The following PTPN2 variants were observed in gnomAD, a reference collection of about 807,000 sequenced individuals.
PTPN2 encodes the protein tyrosine-protein phosphatase non-receptor type 2.
A neutral mutation model predicts 57.3 loss-of-function variants in PTPN2; 19 were observed. The ratio of observed to expected loss-of-function variants is 0.33; its 90% CI spans 0.23 to 0.49. PTPN2 has a LOEUF of 0.49. PTPN2 is among the 20% of genes least tolerant of loss of function. The pLI is 0.99. For synonymous variants in PTPN2, 153 were observed against 164.9 expected, an observed-to-expected ratio of 0.93 and a Z score of 0.55; for missense variants, 358 against 501.1, an observed-to-expected ratio of 0.71 and a Z score of 2.73.
chr18:12,873,739 CTGG>C (rs2044360033), intron 1 of PTPN2, among the ~76,000 whole-genome samples: 1 of 152,200 alleles, frequency 6.6e-6, no homozygotes, highest in Non-Finnish European at 1.5e-5. Context: ...GCGTCTCTGC[CTGG>C]CCACCCATCG....
intron 5 of PTPN2, among the ~76,000 whole-genome samples, chr18:12,824,591 T>G (rs953158754): frequency 6.6e-6 from 1 of 152,212 alleles, no homozygotes; most frequent in African/African-American, 2.4e-5. Flanking sequence ...CTATCACAGT[T>G]TCTATTAGCA....
intron 1 of PTPN2, among the ~76,000 whole-genome samples, chr18:12,877,633 C>T (rs1004575710): frequency 1.7e-4 from 26 of 152,352 alleles, no homozygotes; most frequent in African/African-American, 5.5e-4. Context: ...ACAGTGTGCA[C>T]TTGATATCTG....
chr18:12,859,944 G>A (rs919557862), intron 1 of PTPN2, among the ~76,000 whole-genome samples: 9 of 151,938 alleles, frequency 5.9e-5, no homozygotes, highest in African/African-American at 1.5e-4. Context: ...CCTGAGGTCA[G>A]GAGTTTGAGA....
intron 2 of PTPN2, among the ~76,000 whole-genome samples, chr18:12,838,180 C>A (rs113872687): frequency 6.6e-6 from 1 of 152,140 alleles, no homozygotes; most frequent in African/African-American, 2.4e-5. Flanking sequence ...AAATATCACA[C>A]CAAAGGAATG....
chr18:12,821,311 A>G (rs2042262969), intron 5 of PTPN2: 1 of 152,230 alleles, frequency 6.6e-6, no homozygotes. Flanking sequence ...CAGATACTGG[A>G]TATTTTTAAA....
At chr18:12,802,901 T>A (rs1460890870) in intron 7 of PTPN2, among the ~76,000 whole-genome samples, 4 of 152,116 alleles carry the variant, frequency 2.6e-5, no homozygotes, top group African/African-American at 7.2e-5. Flanking sequence ...ATTACTATCA[T>A]GAAAATATAT....
At chr18:12,853,343 G>A (rs1025296587) in intron 2 of PTPN2, among the ~76,000 whole-genome samples, 68 of 152,134 alleles carry the variant, frequency 4.5e-4, no homozygotes, top group African/African-American at 1.5e-3. Context: ...GTGTAGAGAT[G>A]TTGCCCAGGC....
chr18:12,794,276 G>A lies in PTPN2; in HGVS notation c.*2C>T, dbSNP rs200142794. On this transcript the variant is annotated 3_prime_UTR_variant, in exon 9 of 9. Transcript: ENST00000309660. Reference sequence around the variant, plus strand: ...AGAAGCTTGCTGGGCAAAATTAATTGTTTATAGGGCATTTTGCTGAAAAAA... The same window carrying A: ...AGAAGCTTGCTGGGCAAAATTAATTATTTATAGGGCATTTTGCTGAAAAAA... 8.7e-6 allele frequency: 14 copies of A among 1,614,044 alleles called. No individual in the cohort carries two copies. In the Admixed American group the frequency reaches 1.0e-4, roughly 12 times the overall value.
At chr18:12,822,495 G>A (rs2042304894) in intron 5 of PTPN2, among the ~76,000 whole-genome samples, 1 of 152,128 alleles carries the variant, frequency 6.6e-6, no homozygotes, top group South Asian at 2.1e-4. Context: ...TCTTCTTCAG[G>A]GGCAAGAGTT....
At chr18:12,835,845 A>C (rs2042844745) in intron 3 of PTPN2, among the ~76,000 whole-genome samples, 1 of 152,158 alleles carries the variant, frequency 6.6e-6, no homozygotes, top group South Asian at 2.1e-4. Context: ...CAAAGTGTCC[A>C]CCTTTGATTC....
exon 10 of PTPN2, chr18:12,785,843 G>A (rs1568066383): frequency 6.2e-7 from 1 of 1,607,406 alleles, no homozygotes; most frequent in South Asian, 1.1e-5. Context: ...GTCAATCTTG[G>A]CCTAAAACAT....
At chr18:12,873,267 C>CTCTCCCCACGGTCTCCG (rs574699926) in intron 1 of PTPN2, among the ~76,000 whole-genome samples, 39 of 151,642 alleles carry the variant, frequency 2.6e-4, no homozygotes, top group Admixed American at 1.5e-3. Context: ...CCTCCTCTCC[C>CTCTCCCCACGGTCTCCG]TCTCCCCACG....
At chr18:12,788,661 C>T (rs1264906775), downstream of PTPN2, among the ~76,000 whole-genome samples, 2 of 152,000 alleles carry the variant, frequency 1.3e-5, no homozygotes, top group Non-Finnish European at 1.5e-5. Context: ...TTCTATCCAT[C>T]ACTCCTTACA....
At chr18:12,785,507 CA>C in exon 10 of PTPN2, 1 of 398,402 alleles carries the variant, frequency 2.5e-6, no homozygotes, top group Admixed American at 4.7e-5. Flanking sequence ...TTAATGCTGC[CA>C]AAAAGTATAA....
Position 12,880,181 on chromosome 18 carries a change from G to GA in PTPN2, c.69+3891dup, listed in dbSNP as rs373255336. 4.2e-3 allele frequency among the ~76,000 whole-genome samples: 641 copies of GA among 152,302 alleles called. 9 individuals carry two copies. Among genetic ancestry groups the GA allele is most frequent in the African/African-American group, 0.015 (611 of 41,550 alleles). Reference sequence around the variant, plus strand: ...AAGCAAGAAAGGAAAGAGAAGGGGGGAAAGTTGTGCCAAGGCAAAGAGAAC... The same window carrying GA: ...AAGCAAGAAAGGAAAGAGAAGGGGGGAAAAGTTGTGCCAAGGCAAAGAGAAC... On this transcript the variant is annotated intron_variant, in intron 1 of 8. Coordinates refer to ENST00000309660, the MANE Select transcript of PTPN2 (RefSeq NM_002828.4).
At chr18:12,850,654 A>C (rs1322492266) in intron 2 of PTPN2, among the ~76,000 whole-genome samples, 2 of 152,086 alleles carry the variant, frequency 1.3e-5, no homozygotes. Flanking sequence ...AAATGTTAAA[A>C]CTTCCAAATT....
In PTPN2 at chr18:12,873,253, T is replaced by TCTGCCTCCTCTCCCTCTCCCC. The variant is rs1468752357; in HGVS notation, c.69+10799_69+10819dup. On this transcript the variant is annotated intron_variant, in intron 1 of 8. Coordinates refer to ENST00000309660, the MANE Select transcript of PTPN2 (RefSeq NM_002828.4). ...AAAAAAAAAAGCCTCTCCCTCTCCCTCTGCCTCCTCTCCCTCTCCCCACGG... is the reference window on the plus strand; with the variant it reads ...AAAAAAAAAAGCCTCTCCCTCTCCCTCTGCCTCCTCTCCCTCTCCCCCTGCCTCCTCTCCCTCTCCCCACGG... Among the ~76,000 whole-genome samples the TCTGCCTCCTCTCCCTCTCCCC allele has an allele frequency of 2.7e-5, 4 of 148,220 alleles. No individual in the cohort carries two copies. The East Asian group carries it at 5.9e-4, about 22-fold the overall frequency.
At chr18:12,873,663 C>G (rs1043876179) in intron 1 of PTPN2, among the ~76,000 whole-genome samples, 1 of 152,204 alleles carries the variant, frequency 6.6e-6, no homozygotes, top group Non-Finnish European at 1.5e-5. Flanking sequence ...AGCCGCCTGC[C>G]TTGGCCTCCC....
intron 7 of PTPN2, among the ~76,000 whole-genome samples, chr18:12,806,513 C>CTT: frequency 1.3e-5 from 2 of 152,176 alleles, no homozygotes; most frequent in South Asian, 4.1e-4. Context: ...GAGCAAAAAG[C>CTT]TGGGGGCATC....
Sources: allele counts gnomAD v4.1 joint callset (sites outside exome capture counted in the v4.1 genomes callset), GRCh38; gene constraint gnomAD v4.1.1; transcripts MANE v1.5; gene names NCBI Gene and HGNC (gene_info 2026-07-23, HGNC 2026-07-21).